The following MALT1 variants were observed in gnomAD, a reference collection of about 807,000 sequenced individuals.
MALT1 encodes mucosa-associated lymphoid tissue lymphoma translocation protein 1.
Under a neutral mutation model 85.5 loss-of-function variants are expected in MALT1, and 36 were observed. The observed-to-expected ratio is 0.42, with a 90% CI of 0.32 to 0.56. MALT1 has a LOEUF of 0.56. Among genes scored for constraint, MALT1 ranks in the 20% least tolerant of loss-of-function variants. The probability of loss-of-function intolerance (pLI) is 0.10; values close to 1 mark genes in which losing one functional copy is unlikely to be tolerated. For synonymous variants in MALT1, 359 were observed against 361.3 expected (o/e 0.99, Z 0.07); for missense variants, 716 against 981.6 (o/e 0.73, Z 3.62).
chr18:58,711,659 A>G (rs1401785329), intron 7 of MALT1, among the ~76,000 whole-genome samples: 3 of 152,190 alleles, frequency 2.0e-5, no homozygotes, highest in Non-Finnish European at 2.9e-5. Context: ...GTTTTGCAAA[A>G]TTAGATTTGT....
intron 4 of MALT1, among the ~76,000 whole-genome samples, chr18:58,704,318 C>T (rs1246099335): frequency 1.3e-5 from 2 of 152,178 alleles, no homozygotes; most frequent in African/African-American, 4.8e-5. Flanking sequence ...GTTACTCGCC[C>T]CATATCTTGG....
intron 1 of MALT1, among the ~76,000 whole-genome samples, chr18:58,673,826 A>T (rs1283729120): frequency 6.6e-6 from 1 of 152,138 alleles, no homozygotes; most frequent in African/African-American, 2.4e-5. Context: ...GTGACTTGGG[A>T]TTATTGCTTG....
At position 58,744,478 on chromosome 18, in the gene MALT1, G is replaced by C; in HGVS notation, c.1894G>C (p.Val632Leu). ...GGAGATAATAATGTGTGATGCCTAC[G>C]TTACTGATTTTCCACTTGTGAGTCT... ...PPEIIMCDAY[V>L]TDFPLDLDID... Residue 632 changes from valine to leucine, a missense_variant, in exon 15 of 17, where the codon GTT becomes CTT. Coordinates refer to ENST00000649217, the MANE Select transcript of MALT1 (RefSeq NM_006785.4). The C allele has an allele frequency of 6.3e-7, 1 of 1,599,942 alleles. No homozygotes were observed. Among genetic ancestry groups the C allele is most frequent in the Non-Finnish European group, 8.5e-7 (1 of 1,172,922 alleles).
Position 58,671,671 on chromosome 18 carries a change from G to A in MALT1, c.28G>A (p.Ala10Thr), listed in dbSNP as rs1486051104. 19 of 1,240,408 alleles carry A rather than the reference G, an allele frequency of 1.5e-5. No individual in the cohort carries two copies. The highest frequency in any genetic ancestry group is 1.6e-5 in the Non-Finnish European group (16 of 993,676). The allele number at this position is 1,240,408 out of a possible 1,614,324, so 76.8% of individuals were successfully genotyped here. A position where few individuals can be genotyped will look rare whatever the true frequency, so the allele number is the denominator to read the frequency against. ...GTCGCTGTTGGGGGACCCGCTACAGGCCCTGCCGCCCTCGGCCGCCCCCAC... is the reference window on the plus strand; with the variant it reads ...GTCGCTGTTGGGGGACCCGCTACAGACCCTGCCGCCCTCGGCCGCCCCCAC... MSLLGDPLQALPPSAAPTGP... is the reference protein window; with the variant it reads MSLLGDPLQTLPPSAAPTGP... Residue 10 changes from alanine (A) to threonine (T), a missense_variant, in exon 1 of 17, where the codon GCC (alanine) becomes ACC (threonine). Physicochemically the swap from Ala to Thr is moderately conservative, Grantham distance 58. Around this residue, in one of 4 missense-constraint regions of MALT1, gnomAD observed 80 missense variants for 65.1 expected, o/e 1.23. Coordinates refer to ENST00000649217, the MANE Select transcript of MALT1 (RefSeq NM_006785.4).
intron 2 of MALT1, among the ~76,000 whole-genome samples, chr18:58,689,298 A>G (rs2144331474): frequency 6.6e-6 from 1 of 151,198 alleles, no homozygotes; most frequent in East Asian, 1.9e-4. Context: ...AATTTACCCC[A>G]GGTAATTTGG....
intron 4 of MALT1, among the ~76,000 whole-genome samples, chr18:58,708,901 A>G (rs1490937262): frequency 6.6e-6 from 1 of 152,220 alleles, no homozygotes; most frequent in Non-Finnish European, 1.5e-5. Flanking sequence ...TGCCTGGGGT[A>G]GAAATGTTAG....
At chr18:58,714,201 C>G (rs765649783) in intron 8 of MALT1, 92 bp downstream of exon 8, 133 of 555,928 alleles carry the variant, frequency 2.4e-4, no homozygotes, top group South Asian at 8.9e-4. Context: ...TACAGTAATA[C>G]TAGTAACTTT....
rs1484238746 is a variant in MALT1 at position 58,749,736 on chromosome 18, A to G, written c.*1894A>G. On this transcript the variant is annotated 3_prime_UTR_variant, in exon 17 of 17. Transcript: ENST00000649217. ...CCCACACAGATTGTCTTATTACAGC[A>G]TTTGATAAAATCCAAAACTCTTTCA... 1 of 218,708 alleles carries G rather than the reference A, an allele frequency of 4.6e-6. No homozygotes were observed. Among genetic ancestry groups the G allele is most frequent in the South Asian group, 1.8e-4 (1 of 5,410 alleles). The allele number at this position is 218,708 out of a possible 1,614,324, so 13.5% of individuals were successfully genotyped here.
intron 9 of MALT1, among the ~76,000 whole-genome samples, chr18:58,719,456 T>C (rs1181514321): frequency 6.6e-6 from 1 of 152,196 alleles, no homozygotes; most frequent in Non-Finnish European, 1.5e-5. Context: ...CTTTGGTTCC[T>C]TCTCCCTCCC....
intron 2 of MALT1, among the ~76,000 whole-genome samples, chr18:58,693,153 CA>C (rs1429239088): frequency 1.3e-5 from 2 of 152,202 alleles, no homozygotes; most frequent in Non-Finnish European, 2.9e-5. Flanking sequence ...CGTAATTGAT[CA>C]TGGTGTCTAT....
chr18:58,713,009 T>G (rs1027197713), intron 7 of MALT1, among the ~76,000 whole-genome samples: 11 of 152,118 alleles, frequency 7.2e-5, no homozygotes, highest in Admixed American at 7.2e-4. Flanking sequence ...TGCAAATGTA[T>G]GGTACAGCCT....
intron 10 of MALT1, among the ~76,000 whole-genome samples, chr18:58,730,297 T>A (rs1179676669): frequency 6.6e-6 from 1 of 152,162 alleles, no homozygotes; most frequent in Admixed American, 6.6e-5. Context: ...CCATATCCAT[T>A]AACAGTCACT....
intron 10 of MALT1, among the ~76,000 whole-genome samples, chr18:58,725,859 G>T (rs757648102): frequency 6.6e-6 from 1 of 152,114 alleles, no homozygotes; most frequent in Non-Finnish European, 1.5e-5. Context: ...TCAGGAGTTC[G>T]AGACCAGCCT....
chr18:58,738,446 A>C (rs2055255278), intron 13 of MALT1, among the ~76,000 whole-genome samples: 2 of 152,208 alleles, frequency 1.3e-5, no homozygotes, highest in African/African-American at 2.4e-5. Flanking sequence ...TGCTATCATT[A>C]ACAGTCTTGT....
intron 14 of MALT1, 118 bp from the exon 15 acceptor site, chr18:58,744,220 T>G: frequency 1.6e-6 from 1 of 624,016 alleles, no homozygotes; most frequent in South Asian, 2.8e-5. Context: ...TTGTATGTGT[T>G]TAAACAATGT....
intron 7 of MALT1, 98 bp from the exon 8 acceptor site, chr18:58,713,985 A>T (rs1308768200): frequency 7.8e-6 from 5 of 637,236 alleles, no homozygotes; most frequent in Non-Finnish European, 2.8e-6. Flanking sequence ...AAACACTATA[A>T]CATGATTCAC....
At chr18:58,724,345 C>T (rs1215545594) in intron 10 of MALT1, among the ~76,000 whole-genome samples, 1 of 151,972 alleles carries the variant, frequency 6.6e-6, no homozygotes, top group East Asian at 1.9e-4. Context: ...TAGAGAAAGA[C>T]AAATGAAGTT....
At chr18:58,707,754 C>G (rs2054774384) in intron 4 of MALT1, among the ~76,000 whole-genome samples, 1 of 151,926 alleles carries the variant, frequency 6.6e-6, no homozygotes, top group Non-Finnish European at 1.5e-5. Context: ...CTAGACACAC[C>G]CCTCGTAATG....
chr18:58,732,842 A>G (rs996479844), intron 10 of MALT1, among the ~76,000 whole-genome samples: 1 of 151,838 alleles, frequency 6.6e-6, no homozygotes, highest in African/African-American at 2.4e-5. Context: ...AAATTAGGAT[A>G]TACTTCAGAC....
Sources: allele counts gnomAD v4.1 joint callset (sites outside exome capture counted in the v4.1 genomes callset), GRCh38; gene constraint gnomAD v4.1.1; regional missense constraint gnomAD v4.1.1; transcripts MANE v1.5; gene names NCBI Gene and HGNC (gene_info 2026-07-23, HGNC 2026-07-21).